The following SLC22A8 variants were observed in gnomAD, a reference collection of about 807,000 sequenced individuals.
SLC22A8 encodes the protein solute carrier family 22 member 8, also known as organic anion transporter 3.
In SLC22A8, 40 loss-of-function variants were observed where a neutral mutation model predicts 48.4. That is an observed-to-expected ratio of 0.83 (90% CI 0.64 to 1.08). SLC22A8 has a LOEUF of 1.08. SLC22A8 is among the 50% of genes least tolerant of loss of function. SLC22A8 has a pLI of 0.00. For missense variants in SLC22A8, 606 were observed against 699.0 expected (o/e 0.87, Z 1.50); for synonymous variants, 268 against 286.3 (o/e 0.94, Z 0.65).
At chr11:63,012,354 G>A (rs1270253818) in intron 2 of SLC22A8, among the ~76,000 whole-genome samples, 1 of 151,944 alleles carries the variant, frequency 6.6e-6, no homozygotes, top group Non-Finnish European at 1.5e-5. Context: ...CTTTTGCCTG[G>A]GGTTCACTGC....
At chr11:63,000,654 G>A (rs1436712061) in intron 3 of SLC22A8, 66 bp downstream of exon 3, 2 of 1,184,924 alleles carry the variant, frequency 1.7e-6, no homozygotes, top group Non-Finnish European at 2.5e-6. Context: ...GTGCACGGGT[G>A]GAGCAGAGTA....
chr11:63,006,667 G>T (rs1166030384), intron 2 of SLC22A8, among the ~76,000 whole-genome samples: 1 of 132,326 alleles, frequency 7.6e-6, no homozygotes, highest in East Asian at 2.3e-4. Flanking sequence ...GAGTACAGTG[G>T]TGCAATCTCA....
At chr11:63,002,596 T>C (rs1329996957) in intron 2 of SLC22A8, among the ~76,000 whole-genome samples, 1 of 152,184 alleles carries the variant, frequency 6.6e-6, no homozygotes, top group East Asian at 1.9e-4. Context: ...AATTGGACTT[T>C]TTTTTAAAGA....
At chr11:62,997,043 T>C (rs2086429549) in intron 5 of SLC22A8, among the ~76,000 whole-genome samples, 1 of 152,142 alleles carries the variant, frequency 6.6e-6, no homozygotes, top group Non-Finnish European at 1.5e-5. Context: ...CTGAGCCTGC[T>C]CTTACCAAGA....
rs759687997 is a variant in SLC22A8, at chr11:62,996,204, TGA to T, written c.762-54_762-53del. On this transcript the variant is annotated intron_variant, in intron 5 of 10. Transcript: ENST00000336232. ...GCTCCTCCCACTCCAGAGCCCCTTT[TGA>T]GAGGCTGGAAGAACATCAACAGCCA... The T allele has an allele frequency of 2.0e-6, 3 of 1,536,258 alleles. No individual in the cohort carries two copies. In the African/African-American group the frequency reaches 4.1e-5, roughly 21 times the overall value.
At chr11:63,002,822 G>A (rs1347173207) in intron 2 of SLC22A8, among the ~76,000 whole-genome samples, 3 of 152,154 alleles carry the variant, frequency 2.0e-5, no homozygotes, top group Non-Finnish European at 4.4e-5. Context: ...TAGGTACTGG[G>A]CACTGTTCTA....
Position 63,014,961 on chromosome 11 carries a change from C to G in SLC22A8, c.-3G>C. ...TCCAGGATCTCCGAGAAGGTCATGGCACTGGGGCAAGACGAGCCAGAGCTG... is the reference window on the plus strand; with the variant it reads ...TCCAGGATCTCCGAGAAGGTCATGGGACTGGGGCAAGACGAGCCAGAGCTG... On this transcript the variant is annotated 5_prime_UTR_variant, in exon 2 of 11. Coordinates refer to ENST00000336232, the MANE Select transcript of SLC22A8 (RefSeq NM_004254.4). 1 of 1,540,182 alleles carries G rather than the reference C, an allele frequency of 6.5e-7. No individual in the cohort carries two copies. The highest frequency in any genetic ancestry group is 1.9e-5 in the Admixed American group (1 of 52,232).
At chr11:63,012,132 GGTGTGCACCACCACAC>G (rs2086626105) in intron 2 of SLC22A8, among the ~76,000 whole-genome samples, 1 of 151,966 alleles carries the variant, frequency 6.6e-6, no homozygotes, top group Non-Finnish European at 1.5e-5. Context: ...TGGGACTACA[GGTGTGCACCACCACAC>G]CTTGCTAATT....
intron 2 of SLC22A8, among the ~76,000 whole-genome samples, chr11:63,006,595 GTTTT>G (rs58058368): frequency 1.8e-3 from 95 of 51,398 alleles, no homozygotes; most frequent in East Asian, 4.2e-3. Context: ...TCTCATTTGA[GTTTT>G]TTTTTTTTTT....
In SLC22A8 at chr11:62,996,147, G is replaced by A; in HGVS notation, c.767C>T (p.Thr256Ile). 1.3e-6 allele frequency: 2 copies of A among 1,598,082 alleles called. No individual in the cohort carries two copies. The highest frequency in any genetic ancestry group is 1.7e-6 in the Non-Finnish European group (2 of 1,170,786). The change falls in exon 6 of 11, where the codon ACA (threonine) becomes ATA (isoleucine). Residue 256 changes from threonine (T) to isoleucine (I), a missense_variant. Physicochemically the swap from Thr to Ile is moderately conservative, Grantham distance 89. Coordinates refer to ENST00000336232, the MANE Select transcript of SLC22A8 (RefSeq NM_004254.4). ...GACCAACCAGCGTATGGACTCTGGT[G>A]TCCACCTGGGGGCCAGAGACCAGTC... ...FFVFFLSSWW[T>I]PESIRWLVLS... is the part of the protein sequence containing the mutation.
At position 63,014,643 on chromosome 11, in the gene SLC22A8, C is replaced by T; in HGVS notation, c.316G>A (p.Asp106Asn). The T allele has an allele frequency of 6.3e-7, 1 of 1,597,462 alleles. No homozygotes were observed. The highest frequency in any genetic ancestry group is 1.3e-5 in the African/African-American group (1 of 74,766). ...AGGCATACCTCTGTCACAATGGAGT[C>T]CTTGGTGCTGTTGTAGACCCAGCCA... ...LDGWVYNSTK[D>N]SIVTEWDLVC... The change falls in exon 2 of 11, where the codon GAC becomes AAC. Residue 106 changes from aspartate to asparagine, a missense_variant. Coordinates refer to ENST00000336232, the MANE Select transcript of SLC22A8 (RefSeq NM_004254.4).
intron 5 of SLC22A8, among the ~76,000 whole-genome samples, chr11:62,998,525 A>C (rs1178250463): frequency 6.6e-6 from 1 of 151,894 alleles, no homozygotes; most frequent in Non-Finnish European, 1.5e-5. Context: ...TATTGTCCCC[A>C]CTCAGTTGGG....
At position 62,999,011 on chromosome 11, in the gene SLC22A8, A is replaced by G; in HGVS notation, c.671T>C (p.Ile224Thr). 1 of 1,614,220 alleles carries G rather than the reference A, an allele frequency of 6.2e-7. No individual in the cohort carries two copies. Among genetic ancestry groups the G allele is most frequent in the Non-Finnish European group, 8.5e-7 (1 of 1,180,006 alleles). ...LGYCYTFGQF[I>T]LPGLAYAIPQ... ...GATGGCGTAGGCCAGGCCGGGCAGA[A>G]TGAACTGGCCAAAGGTGTAGCAGTA... is the stretch of plus-strand genomic sequence containing the variant. Residue 224 changes from isoleucine to threonine, a missense_variant, in exon 5 of 11, where the codon ATT (isoleucine) becomes ACT (threonine). Coordinates refer to ENST00000336232, the MANE Select transcript of SLC22A8 (RefSeq NM_004254.4).
chr11:63,003,212 G>A (rs533929876), intron 2 of SLC22A8, among the ~76,000 whole-genome samples: 2 of 152,316 alleles, frequency 1.3e-5, no homozygotes, highest in South Asian at 4.1e-4. Flanking sequence ...TTACTTGTGC[G>A]ATGAAGTGGA....
chr11:62,994,667 C>A lies in SLC22A8; in HGVS notation c.1091G>T (p.Gly364Val), dbSNP rs2086388585. The change falls in exon 8 of 11, where the codon GGG becomes GTG. Residue 364 changes from glycine to valine, a missense_variant. Transcript: ENST00000336232. ...GATGAACTTGGCTGGGACATCGACC[C>A]CACCAAAGATGATCTGGAGGATGTA... The part of the protein sequence containing the change: ...NLYILQIIFG[G>V]VDVPAKFITI... 2 of 1,614,116 alleles carry A rather than the reference C, an allele frequency of 1.2e-6. No individual in the cohort carries two copies. The highest frequency in any genetic ancestry group is 2.2e-5 in the South Asian group (2 of 91,090).
At chr11:62,995,192 A>G (rs1464630200) in intron 7 of SLC22A8, 4 of 242,256 alleles carry the variant, frequency 1.7e-5, no homozygotes, top group South Asian at 7.1e-5. Flanking sequence ...TCCTGGACAA[A>G]TTGAATCCTA....
At chr11:63,005,715 A>G (rs1445788251) in intron 2 of SLC22A8, among the ~76,000 whole-genome samples, 2 of 152,116 alleles carry the variant, frequency 1.3e-5, no homozygotes, top group Non-Finnish European at 2.9e-5. Context: ...CAAGCTGGGG[A>G]ATGCCAAGGG....
rs2086370527 is a variant in SLC22A8, at chr11:62,993,567, CA to C, written c.1385del (p.Leu462ArgfsTer2). The C allele has an allele frequency of 1.2e-6, 2 of 1,613,738 alleles. No individual in the cohort carries two copies. The highest frequency in any genetic ancestry group is 2.7e-5 in the African/African-American group (2 of 74,928). On this transcript the variant is annotated frameshift_variant, in exon 10 of 11. Transcript: ENST00000336232. LOFTEE classifies it high-confidence loss of function. ...GCTGTACCTCACCCGTGATTTTCAC[CA>C]GCGGGGACACCATGCTTCCCACGCG... ...WTRVGSMVSP[L>X]VKITGEVQPF...
chr11:63,011,990 CTT>C (rs763880600), intron 2 of SLC22A8, among the ~76,000 whole-genome samples: 33 of 141,326 alleles, frequency 2.3e-4, no homozygotes, highest in Admixed American at 4.2e-4. Context: ...CTCTCTTTTT[CTT>C]TTTTTTTTTT....
Sources: gnomAD v4.1 joint callset for allele counts (sites outside exome capture counted in the v4.1 genomes callset) on GRCh38, gnomAD v4.1.1 for gene constraint, MANE v1.5 for transcripts, NCBI Gene and HGNC (gene_info 2026-07-23, HGNC 2026-07-21) for gene names.